The following ACOXL variants were observed in gnomAD, a reference collection of about 807,000 sequenced individuals.
ACOXL encodes the protein acyl-coenzyme A oxidase-like protein.
ACOXL carries 70 observed loss-of-function variants against 71.9 expected under a neutral mutation model. The ratio of observed to expected loss-of-function variants is 0.97; its 90% CI spans 0.80 to 1.19. ACOXL has a LOEUF of 1.19. Ranked by LOEUF, ACOXL falls within the 50% of genes most tolerant of loss-of-function variation. ACOXL has a pLI of 0.00. For synonymous variants in ACOXL, 253 were observed against 281.6 expected (o/e 0.90, Z 1.02); for missense variants, 703 against 736.3 (o/e 0.95, Z 0.52).
chr2:110,825,806 T>A (rs1409535249), intron 9 of ACOXL, among the ~76,000 whole-genome samples: 1 of 152,158 alleles, frequency 6.6e-6, no homozygotes, highest in Non-Finnish European at 1.5e-5. Context: ...CCAGCCACAG[T>A]GGAGATTTTT....
intron 14 of ACOXL, among the ~76,000 whole-genome samples, chr2:111,023,279 A>G (rs2149715546): frequency 6.6e-6 from 1 of 152,262 alleles, no homozygotes; most frequent in Non-Finnish European, 1.5e-5. Flanking sequence ...CTAAGGACAT[A>G]CAAATGGATC....
At chr2:110,909,315 A>G (rs556736558) in intron 11 of ACOXL, among the ~76,000 whole-genome samples, 1 of 152,148 alleles carries the variant, frequency 6.6e-6, no homozygotes, top group Non-Finnish European at 1.5e-5. Flanking sequence ...TGGTGGGGGT[A>G]CAGGGGAGGC....
Position 110,878,875 on chromosome 2 carries a change from T to C in ACOXL, c.789-29914T>C, listed in dbSNP as rs181335602. 3.5e-3 allele frequency among the ~76,000 whole-genome samples: 536 copies of C among 151,728 alleles called. 10 individuals carry two copies. Among genetic ancestry groups the C allele is most frequent in the African/African-American group, 0.012 (509 of 41,330 alleles). On this transcript the variant is annotated intron_variant, in intron 10 of 17. Coordinates refer to ENST00000439055, the MANE Select transcript of ACOXL (RefSeq NM_001142807.4). Reference sequence around the variant, plus strand: ...GAGTTCAAGACCAGCCTGGCAAAGATGGTTAAACCCCGTCTCTACTAAAAA... The same window carrying C: ...GAGTTCAAGACCAGCCTGGCAAAGACGGTTAAACCCCGTCTCTACTAAAAA...
chr2:111,052,297 T>TCAGCA (rs1292941980), intron 16 of ACOXL, among the ~76,000 whole-genome samples: 1 of 152,080 alleles, frequency 6.6e-6, no homozygotes, highest in African/African-American at 2.4e-5. Flanking sequence ...CTCCACCCCT[T>TCAGCA]CAGCACCATG....
chr2:111,113,207 A>C (rs1423804201), intron 17 of ACOXL: 1 of 152,244 alleles, frequency 6.6e-6, no homozygotes, highest in Non-Finnish European at 1.5e-5. Flanking sequence ...TAGAAAAAAA[A>C]AGCCCTGGAT....
intron 12 of ACOXL, chr2:110,968,423 A>G: frequency 8.7e-7 from 1 of 1,155,860 alleles, no homozygotes; most frequent in Non-Finnish European, 1.3e-6. Context: ...GTACACCAGA[A>G]GCACATCACG....
intron 10 of ACOXL, among the ~76,000 whole-genome samples, chr2:110,862,678 T>C (rs190374844): frequency 1.3e-5 from 2 of 152,326 alleles, no homozygotes; most frequent in African/African-American, 4.8e-5. Flanking sequence ...TTGGCGCAAA[T>C]GGCTAAATTC....
chr2:110,996,309 T>C (rs1021448919), intron 14 of ACOXL, among the ~76,000 whole-genome samples: 1 of 152,194 alleles, frequency 6.6e-6, no homozygotes, highest in Non-Finnish European at 1.5e-5. Context: ...CATTGTTTTA[T>C]GTGTATAAAG....
At chr2:111,031,817 A>AAGG in intron 15 of ACOXL, 103 bp downstream of exon 15, 1 of 1,176,800 alleles carries the variant, frequency 8.5e-7, no homozygotes, top group Non-Finnish European at 1.3e-6. Flanking sequence ...ACACACAGGG[A>AAGG]AGGGACAGTC....
At chr2:111,031,527 TGTA>T (rs2065265069) in intron 14 of ACOXL, 97 bp from the exon 15 acceptor site, 1 of 1,032,268 alleles carries the variant, frequency 9.7e-7, no homozygotes, top group Non-Finnish European at 1.5e-6. Context: ...CCATGCTTAA[TGTA>T]GTACTGAAAA....
intron 15 of ACOXL, among the ~76,000 whole-genome samples, chr2:111,042,106 A>G (rs1168723650): frequency 6.6e-6 from 1 of 152,162 alleles, no homozygotes; most frequent in African/African-American, 2.4e-5. Flanking sequence ...TTTCACTCCC[A>G]TGGTGCAGTC....
intron 1 of ACOXL, among the ~76,000 whole-genome samples, chr2:110,755,450 G>A (rs1210851079): frequency 6.6e-6 from 1 of 152,216 alleles, no homozygotes; most frequent in Non-Finnish European, 1.5e-5. Context: ...GTTAAATGTG[G>A]CGGTTTATAT....
chr2:110,915,336 T>TATATATATATATATATATATATA (rs1558721442), intron 11 of ACOXL, among the ~76,000 whole-genome samples: 5 of 130,810 alleles, frequency 3.8e-5, no homozygotes, highest in Non-Finnish European at 6.4e-5. Flanking sequence ...TATATGCATT[T>TATATATATATATATATATATATA]TATATATATA....
Position 111,006,570 on chromosome 2 carries a change from C to CT in ACOXL, c.1281+10572dup, listed in dbSNP as rs1338389511. ...TGGTGTTTCCCTCTTTTTTTTTTTTCTTTTTTGAGATGAAGTCTCGCTCTG... is the reference window on the plus strand; with the variant it reads ...TGGTGTTTCCCTCTTTTTTTTTTTTCTTTTTTTGAGATGAAGTCTCGCTCTG... On this transcript the variant is annotated intron_variant, in intron 14 of 17. Transcript: ENST00000439055. 1.6e-4 allele frequency among the ~76,000 whole-genome samples: 21 copies of CT among 133,474 alleles called. 1 individual carries two copies. The highest frequency in any genetic ancestry group is 5.8e-4 in the African/African-American group (21 of 36,058). The allele number at this position is 133,474 out of a possible 152,430, so 87.6% of individuals were successfully genotyped here. A position where few individuals can be genotyped will look rare whatever the true frequency, so the allele number is the denominator to read the frequency against.
At position 111,106,160 on chromosome 2, in the gene ACOXL, T is replaced by A. The variant is rs535802886; in HGVS notation, c.1543-11456T>A. ...ATGACACTTAGGTTAAATCATTTTT[T>A]AAAAATAATTACACACGTTCCTGAC... is the stretch of plus-strand genomic sequence containing the variant. On this transcript the variant is annotated intron_variant, in intron 17 of 17. Transcript: ENST00000439055. Among the ~76,000 whole-genome samples, 4 of 152,290 alleles carry A rather than the reference T, an allele frequency of 2.6e-5. 1 individual carries two copies. Among genetic ancestry groups the A allele is most frequent in the African/African-American group, 9.6e-5 (4 of 41,552 alleles).
intron 10 of ACOXL, among the ~76,000 whole-genome samples, chr2:110,889,785 A>C (rs1697732019): frequency 6.6e-6 from 1 of 152,206 alleles, no homozygotes; most frequent in African/African-American, 2.4e-5. Context: ...GCTAGTGTGA[A>C]TATGCTCCTA....
intron 10 of ACOXL, among the ~76,000 whole-genome samples, chr2:110,873,963 A>G (rs1695582678): frequency 6.6e-6 from 1 of 152,182 alleles, no homozygotes; most frequent in Admixed American, 6.5e-5. Flanking sequence ...ACCGTGTGGC[A>G]TCGGCCAGCC....
intron 14 of ACOXL, among the ~76,000 whole-genome samples, chr2:111,022,946 G>T (rs1558879982): frequency 6.6e-6 from 1 of 152,226 alleles, no homozygotes; most frequent in Non-Finnish European, 1.5e-5. Context: ...TTACTGGCTA[G>T]GCAGTTCAGG....
At chr2:110,848,797 C>T (rs573956394) in intron 10 of ACOXL, among the ~76,000 whole-genome samples, 1 of 152,324 alleles carries the variant, frequency 6.6e-6, no homozygotes, top group African/African-American at 2.4e-5. Context: ...AGCCTTCTGC[C>T]TGCTGACCAG....
Sources: gnomAD v4.1 joint callset for allele counts (sites outside exome capture counted in the v4.1 genomes callset) on GRCh38, gnomAD v4.1.1 for gene constraint, MANE v1.5 for transcripts, NCBI Gene and HGNC (gene_info 2026-07-23, HGNC 2026-07-21) for gene names.